The following ABCA4 variants were observed in gnomAD, a reference collection of about 807,000 sequenced individuals.
The protein encoded by ABCA4 is retinal-specific phospholipid-transporting ATPase ABCA4.
In ABCA4, 196 loss-of-function variants were observed where a neutral mutation model predicts 263.7. That is an observed-to-expected ratio of 0.74 (90% CI 0.66 to 0.84). ABCA4 has a LOEUF of 0.84. Ranked by LOEUF, ABCA4 falls within the 40% of genes least tolerant of loss-of-function variation. ABCA4 has a pLI of 0.00. For synonymous variants in ABCA4, 1,133 were observed against 1,094.2 expected, an observed-to-expected ratio of 1.04 and a Z score of -0.70; for missense variants, 2,792 against 2,855.1, an observed-to-expected ratio of 0.98 and a Z score of 0.50.
intron 6 of ABCA4, among the ~76,000 whole-genome samples, chr1:94,096,083 A>T (rs1662119359): frequency 6.6e-6 from 1 of 152,188 alleles, no homozygotes; most frequent in Non-Finnish European, 1.5e-5. Context: ...GGACCCTCAG[A>T]GGTGTGTGGG....
intron 5 of ABCA4, among the ~76,000 whole-genome samples, chr1:94,101,404 A>T (rs1461520372): frequency 6.6e-6 from 1 of 152,162 alleles, no homozygotes; most frequent in African/African-American, 2.4e-5. Context: ...TGGGCACTGC[A>T]GGCGCCAAGC....
intron 49 of ABCA4, among the ~76,000 whole-genome samples, chr1:93,994,733 T>G (rs1355900070): frequency 6.6e-6 from 1 of 152,212 alleles, no homozygotes; most frequent in Non-Finnish European, 1.5e-5. Context: ...TTCTAATCTT[T>G]GTGAACAAAA....
At chr1:94,002,134 G>GTT in intron 44 of ABCA4, 142 bp from the exon 45 acceptor site, 1 of 1,317,622 alleles carries the variant, frequency 7.6e-7, no homozygotes, top group Non-Finnish European at 1.1e-6. Flanking sequence ...GCTGGCTCCT[G>GTT]TCCTCTGGCA....
intron 1 of ABCA4, 80 bp downstream of exon 1, chr1:94,120,900 A>ACC: frequency 1.2e-5 from 3 of 247,128 alleles, no homozygotes; most frequent in East Asian, 1.0e-4. Flanking sequence ...CCACCACCCT[A>ACC]CCCCACCACC....
At chr1:94,029,341 C>A in intron 30 of ABCA4, 104 bp downstream of exon 30, 3 of 1,163,960 alleles carry the variant, frequency 2.6e-6, no homozygotes, top group Middle Eastern at 2.9e-4. Flanking sequence ...ACTCAACTGC[C>A]AGTTTGAAAT....
intron 7 of ABCA4, among the ~76,000 whole-genome samples, chr1:94,082,708 C>T (rs1446735230): frequency 6.6e-6 from 1 of 152,208 alleles, no homozygotes; most frequent in Admixed American, 6.5e-5. Context: ...ACACTCATCA[C>T]ACTTGAAGAG....
intron 32 of ABCA4, 35 bp downstream of exon 32, chr1:94,023,351 C>T: frequency 1.3e-6 from 2 of 1,556,046 alleles, no homozygotes; most frequent in East Asian, 2.2e-5. Context: ...ATGAATCAAT[C>T]TGAGATTTTA....
At chr1:94,111,815 G>A (rs1042901747) in intron 2 of ABCA4, among the ~76,000 whole-genome samples, 1 of 152,176 alleles carries the variant, frequency 6.6e-6, no homozygotes, top group Non-Finnish European at 1.5e-5. Context: ...TGTTGTAATA[G>A]GCATGGGTGG....
rs548126295 is a variant in ABCA4 at position 94,087,277 on chromosome 1, A to T, written c.769-3836T>A. 7.2e-5 allele frequency among the ~76,000 whole-genome samples: 11 copies of T among 152,368 alleles called. No individual in the cohort carries two copies. In the South Asian group the frequency reaches 2.3e-3, roughly 32 times the overall value. Reference sequence around the variant, plus strand: ...TCCTAATAAATGTATAACATGAAGCATAAGAAAGACCTCAAGAATAATGCA... The same window carrying T: ...TCCTAATAAATGTATAACATGAAGCTTAAGAAAGACCTCAAGAATAATGCA... On this transcript the variant is annotated intron_variant, in intron 6 of 49. Coordinates refer to ENST00000370225, the MANE Select transcript of ABCA4 (RefSeq NM_000350.3).
In ABCA4 at chr1:94,105,846, C is replaced by T. The variant is rs1258846944; in HGVS notation, c.443-2704G>A. 3.3e-5 allele frequency among the ~76,000 whole-genome samples: 5 copies of T among 152,200 alleles called. No homozygotes were observed. The East Asian group carries it at 9.7e-4, about 29-fold the overall frequency. On this transcript the variant is annotated intron_variant, in intron 4 of 49. Coordinates refer to ENST00000370225, the MANE Select transcript of ABCA4 (RefSeq NM_000350.3). The stretch of plus-strand genomic sequence containing the variant: ...GAAAGAAAACCTCTGCCTGGGTCAA[C>T]CAGCGGCATACCTTCCCAGGTGGCT...
chr1:94,093,970 T>C (rs765258552), intron 6 of ABCA4, among the ~76,000 whole-genome samples: 1 of 152,176 alleles, frequency 6.6e-6, no homozygotes, highest in Non-Finnish European at 1.5e-5. Context: ...TTAGTTTTGT[T>C]TCCTCCCAAC....
At chr1:94,019,253 C>T (rs1451192741) in intron 36 of ABCA4, 2 of 254,516 alleles carry the variant, frequency 7.9e-6, no homozygotes, top group Non-Finnish European at 1.5e-5. Flanking sequence ...CTTCTCAGCG[C>T]CAGACTGATG....
At chr1:94,090,110 G>A (rs773042797) in intron 6 of ABCA4, among the ~76,000 whole-genome samples, 6 of 152,080 alleles carry the variant, frequency 3.9e-5, no homozygotes, top group Non-Finnish European at 7.3e-5. Flanking sequence ...GGGGAAACAG[G>A]AGTACCTGGA....
intron 9 of ABCA4, among the ~76,000 whole-genome samples, 171 bp downstream of exon 9, chr1:94,079,151 A>G (rs1213373014): frequency 1.3e-5 from 2 of 152,204 alleles, no homozygotes; most frequent in African/African-American, 4.8e-5. Context: ...GCACTGAAGC[A>G]AAGCATTCCA....
intron 11 of ABCA4, among the ~76,000 whole-genome samples, chr1:94,071,034 G>A (rs1488773638): frequency 2.6e-5 from 4 of 152,220 alleles, no homozygotes; most frequent in Admixed American, 6.5e-5. Flanking sequence ...GGGAAAGAAG[G>A]AGGAATTTCA....
At chr1:94,011,064 G>A (rs2101007976) in intron 39 of ABCA4, 135 bp from the exon 40 acceptor site, 1 of 1,554,428 alleles carries the variant, frequency 6.4e-7, no homozygotes, top group East Asian at 2.3e-5. Context: ...CATAAGGGCT[G>A]CCCTCCATCC....
intron 6 of ABCA4, among the ~76,000 whole-genome samples, chr1:94,095,744 T>C (rs1328426930): frequency 1.4e-5 from 2 of 138,344 alleles, no homozygotes; most frequent in African/African-American, 5.3e-5. Flanking sequence ...TGCAATTTCT[T>C]TCAGGTTTTT....
At chr1:94,099,527 C>T (rs1662231539) in intron 5 of ABCA4, among the ~76,000 whole-genome samples, 1 of 152,138 alleles carries the variant, frequency 6.6e-6, no homozygotes, top group Admixed American at 6.5e-5. Flanking sequence ...TATCAGAGTG[C>T]CATTTACAAT....
chr1:94,049,344 G>A (rs1373914619), intron 17 of ABCA4, among the ~76,000 whole-genome samples: 2 of 152,170 alleles, frequency 1.3e-5, no homozygotes, highest in African/African-American at 4.8e-5. Context: ...TCTATTCAGG[G>A]GCCGGATGTG....
Sources: gnomAD v4.1 joint callset for allele counts (sites outside exome capture counted in the v4.1 genomes callset) on GRCh38, gnomAD v4.1.1 for gene constraint, MANE v1.5 for transcripts, NCBI Gene and HGNC (gene_info 2026-07-23, HGNC 2026-07-21) for gene names.